PEMT: variants seen among roughly 807,000 people sequenced by gnomAD.
PEMT encodes phospholipid methyltransferase.
PEMT carries 23 observed loss-of-function variants against 27.4 expected under a neutral mutation model. The observed-to-expected ratio is 0.84, with a 90% CI of 0.60 to 1.19. The LOEUF is 1.19. Among genes scored for constraint, PEMT ranks in the 50% most tolerant of loss-of-function variants. The probability of loss-of-function intolerance (pLI) is 0.00; values close to 1 mark genes in which losing one functional copy is unlikely to be tolerated. For missense variants in PEMT, 307 were observed against 310.1 expected (o/e 0.99, Z 0.07); for synonymous variants, 137 against 139.1 (o/e 0.98, Z 0.11).
Position 17,513,179 on chromosome 17 carries a change from C to T in PEMT, c.321-525G>A, listed in dbSNP as rs1358984299. On this transcript the variant is annotated intron_variant, in intron 3 of 6. Transcript: ENST00000255389. The surrounding 1 kb of genome is among the most constrained non-coding windows in gnomAD (Gnocchi z 4.1). ...TTGCGCTTCCACAGCCCCTGTGGGT[C>T]TGGCCACATCCTGGGTGGCTTGACT... Among the ~76,000 whole-genome samples, 4 of 152,346 alleles carry T rather than the reference C, an allele frequency of 2.6e-5. No homozygotes were observed. Among genetic ancestry groups the T allele is most frequent in the African/African-American group, 9.6e-5 (4 of 41,588 alleles).
chr17:17,571,382 G>A (rs1911182379), intron 2 of PEMT, among the ~76,000 whole-genome samples: 3 of 152,148 alleles, frequency 2.0e-5, no homozygotes, highest in South Asian at 2.1e-4. Flanking sequence ...AGAAAGAGAA[G>A]GCCGGGAAAG....
chr17:17,591,358 G>C (rs1018771924), intron 1 of PEMT, 173 bp downstream of exon 1: 18 of 609,714 alleles, frequency 3.0e-5, no homozygotes, highest in Middle Eastern at 4.4e-4. Flanking sequence ...CACACACACA[G>C]ACACCAGCCG....
intron 1 of PEMT, 50 bp from the exon 2 acceptor site, chr17:17,577,077 T>C (rs759859515): frequency 5.7e-6 from 8 of 1,406,306 alleles, no homozygotes; most frequent in Non-Finnish European, 8.1e-6. Flanking sequence ...GCAGGGCCTG[T>C]GAGCCCCCAG....
At chr17:17,588,393 G>C (rs1029556320) in intron 1 of PEMT, among the ~76,000 whole-genome samples, 1 of 152,098 alleles carries the variant, frequency 6.6e-6, no homozygotes, top group Non-Finnish European at 1.5e-5. Flanking sequence ...GTCTTACTCG[G>C]GTGCCCATAT....
chr17:17,590,334 T>C (rs977196464), intron 1 of PEMT, among the ~76,000 whole-genome samples: 1 of 152,218 alleles, frequency 6.6e-6, no homozygotes, highest in Non-Finnish European at 1.5e-5. Flanking sequence ...CTGTGCCTCC[T>C]GGAGGGCTTC....
intron 1 of PEMT, among the ~76,000 whole-genome samples, chr17:17,586,268 G>GAAAT (rs1912285686): frequency 9.1e-6 from 1 of 109,732 alleles, no homozygotes; most frequent in Non-Finnish European, 1.8e-5. Flanking sequence ...AAGAAAGAAA[G>GAAAT]AAAGAAAGAA....
At chr17:17,506,340 G>A (rs953008608) in intron 5 of PEMT, 39 bp from the exon 6 acceptor site, 1 of 1,452,108 alleles carries the variant, frequency 6.9e-7, no homozygotes, top group African/African-American at 1.4e-5. Flanking sequence ...GCTGGAGCCA[G>A]GGTCTCTCAG....
At chr17:17,535,350 G>A (rs1908385321) in intron 2 of PEMT, among the ~76,000 whole-genome samples, 1 of 152,072 alleles carries the variant, frequency 6.6e-6, no homozygotes, top group African/African-American at 2.4e-5. Context: ...GGTGGATCAC[G>A]AGGTTGGGAG....
rs935754209 is a variant in PEMT at position 17,517,994 on chromosome 17, C to G, written c.320+4286G>C. On this transcript the variant is annotated intron_variant, in intron 3 of 6. Transcript: ENST00000255389. ...AATACCTCCAGGTTGAGGAAGATTC[C>G]TGATCGACAGCCACACTCCGAGGCC... The G allele has an allele frequency of 4.1e-6, 4 of 985,550 alleles. No individual in the cohort carries two copies. In the African/African-American group the frequency reaches 7.0e-5, roughly 17 times the overall value. The allele number at this position is 985,550 out of a possible 1,614,324, so 61.1% of individuals were successfully genotyped here. A position where few individuals can be genotyped will look rare whatever the true frequency, so the allele number is the denominator to read the frequency against.
chr17:17,585,407 G>A (rs1912193868), intron 1 of PEMT, among the ~76,000 whole-genome samples: 1 of 152,150 alleles, frequency 6.6e-6, no homozygotes, highest in South Asian at 2.1e-4. Context: ...ACTAAAGGGT[G>A]GAAAAGACAA....
chr17:17,527,751 T>C (rs1040951744), intron 2 of PEMT, among the ~76,000 whole-genome samples: 1 of 152,168 alleles, frequency 6.6e-6, no homozygotes, highest in African/African-American at 2.4e-5. Context: ...CCGGCAAAGC[T>C]GATGAAGAAA....
intron 3 of PEMT, among the ~76,000 whole-genome samples, chr17:17,514,697 C>A (rs1367953524): frequency 1.3e-5 from 2 of 152,270 alleles, no homozygotes; most frequent in Non-Finnish European, 2.9e-5. Flanking sequence ...CAGGTGGCCA[C>A]ATGCACACCC....
At chr17:17,532,201 A>G (rs1908152030) in intron 2 of PEMT, among the ~76,000 whole-genome samples, 1 of 152,238 alleles carries the variant, frequency 6.6e-6, no homozygotes, top group South Asian at 2.1e-4. Flanking sequence ...TAGCCAGGGC[A>G]ATTGGACAAG....
At chr17:17,505,916 T>C in intron 6 of PEMT, 68 bp from the exon 7 acceptor site, 1 of 1,522,076 alleles carries the variant, frequency 6.6e-7, no homozygotes, top group South Asian at 1.3e-5. Flanking sequence ...GCACCAGAGC[T>C]CTGCGTCCAT....
At position 17,539,333 on chromosome 17, in the gene PEMT, C is replaced by T. The variant is rs560006538; in HGVS notation, c.205-16938G>A. Among the ~76,000 whole-genome samples the T allele has an allele frequency of 6.8e-4, 103 of 152,260 alleles. 1 individual carries two copies. The highest frequency in any genetic ancestry group is 2.2e-3 in the African/African-American group (93 of 41,532). On this transcript the variant is annotated intron_variant, in intron 2 of 6. Transcript: ENST00000255389. Reference sequence around the variant, plus strand: ...ACCACCACCACATCAGGACACAGCACTTCCAGCCAGCTCCAGGCTCCAACC... The same window carrying T: ...ACCACCACCACATCAGGACACAGCATTTCCAGCCAGCTCCAGGCTCCAACC...
At chr17:17,524,229 C>T (rs534373350) in intron 2 of PEMT, among the ~76,000 whole-genome samples, 25 of 152,262 alleles carry the variant, frequency 1.6e-4, no homozygotes, top group South Asian at 4.1e-4. Context: ...AACATACGGG[C>T]GCTTGCTAGG....
chr17:17,518,105 G>C, intron 3 of PEMT: 2 of 985,502 alleles, frequency 2.0e-6, no homozygotes, highest in Non-Finnish European at 2.4e-6. Context: ...GGGAGCCCTG[G>C]GAGACTCCAG....
chr17:17,556,028 T>G (rs1050437815), intron 2 of PEMT, among the ~76,000 whole-genome samples: 1 of 152,226 alleles, frequency 6.6e-6, no homozygotes, highest in Non-Finnish European at 1.5e-5. Context: ...GCACCAGGCC[T>G]CCATGATGAG....
At chr17:17,536,109 C>T (rs1908450238) in intron 2 of PEMT, among the ~76,000 whole-genome samples, 1 of 152,236 alleles carries the variant, frequency 6.6e-6, no homozygotes, top group African/African-American at 2.4e-5. Context: ...GCTCTGATGA[C>T]ACCCACAGCA....
Sources: allele counts gnomAD v4.1 joint callset (sites outside exome capture counted in the v4.1 genomes callset), GRCh38; gene constraint gnomAD v4.1.1; non-coding constraint Gnocchi (gnomAD v3.1); transcripts MANE v1.5; gene names NCBI Gene and HGNC (gene_info 2026-07-23, HGNC 2026-07-21).